TTC7B: variants seen among roughly 807,000 people sequenced by gnomAD.
TTC7B encodes the protein tetratricopeptide repeat domain 7B, also known as tetratricopeptide repeat protein 7B.
In TTC7B, 28 loss-of-function variants were observed where a neutral mutation model predicts 106.8. The ratio of observed to expected loss-of-function variants is 0.26; its 90% confidence interval spans 0.19 to 0.36. The LOEUF is 0.36. Ranked by LOEUF, TTC7B falls within the 10% of genes least tolerant of loss-of-function variation. The pLI is 1.00. For synonymous variants in TTC7B, 405 were observed against 430.6 expected, an observed-to-expected ratio of 0.94 and a Z score of 0.74; for missense variants, 862 against 1,076.4, an observed-to-expected ratio of 0.80 and a Z score of 2.79.
At chr14:90,588,190 C>A (rs1183856073) in intron 18 of TTC7B, among the ~76,000 whole-genome samples, 2 of 152,200 alleles carry the variant, frequency 1.3e-5, no homozygotes, top group Non-Finnish European at 2.9e-5. Flanking sequence ...CTGATGCAAC[C>A]TCTGGTGCCT....
intron 7 of TTC7B, among the ~76,000 whole-genome samples, chr14:90,683,736 C>A (rs1887145450): frequency 6.6e-6 from 1 of 152,034 alleles, no homozygotes; most frequent in Non-Finnish European, 1.5e-5. Flanking sequence ...CATCACCTTG[C>A]ACAAGTGTTT....
At chr14:90,756,374 T>C (rs796829327) in intron 3 of TTC7B, among the ~76,000 whole-genome samples, 18 of 10,928 alleles carry the variant, frequency 1.6e-3, no homozygotes, top group African/African-American at 3.6e-3. Context: ...ATTTTCTTCT[T>C]TTTTTTTTTG....
At chr14:90,700,552 A>G (rs1224673444) in intron 5 of TTC7B, among the ~76,000 whole-genome samples, 1 of 151,830 alleles carries the variant, frequency 6.6e-6, no homozygotes. Flanking sequence ...AGTGAGCACC[A>G]TCTTATATTC....
chr14:90,602,396 T>TA (rs1233278361), intron 17 of TTC7B, among the ~76,000 whole-genome samples: 1 of 152,238 alleles, frequency 6.6e-6, no homozygotes, highest in East Asian at 1.9e-4. Context: ...ACTAATGACT[T>TA]AAACACTGCC....
chr14:90,756,015 C>T (rs149817119), intron 3 of TTC7B, among the ~76,000 whole-genome samples: 70 of 152,342 alleles, frequency 4.6e-4, no homozygotes, highest in Non-Finnish European at 7.2e-4. Flanking sequence ...ATATTCCCAC[C>T]GTTCAAAATC....
intron 7 of TTC7B, among the ~76,000 whole-genome samples, chr14:90,683,424 C>A (rs866944131): frequency 2.0e-5 from 3 of 152,282 alleles, no homozygotes; most frequent in Middle Eastern, 3.4e-3. Context: ...CACCCCGACC[C>A]CAAGTCACAC....
intron 19 of TTC7B, among the ~76,000 whole-genome samples, chr14:90,552,684 G>A (rs1890138255): frequency 6.6e-6 from 1 of 152,210 alleles, no homozygotes; most frequent in Admixed American, 6.5e-5. Context: ...GGGACATGCT[G>A]CCTTAAGAAG....
rs779021242 is a variant in TTC7B, at chr14:90,676,663, G to A, written c.1015-3C>T. 5.0e-6 allele frequency: 8 copies of A among 1,612,628 alleles called. No homozygotes were observed. The South Asian group carries it at 7.7e-5, about 16-fold the overall frequency. On this transcript the variant is annotated splice_polypyrimidine_tract_variant and splice_region_variant and intron_variant, in intron 8 of 19. Transcript: ENST00000328459. The stretch of plus-strand genomic sequence containing the variant: ...CTCAGCACAGCGTCCCGGTTGGCCT[G>A]AAAAAACATGGAATAGAGAAGCAGA...
rs1889501074 is a variant in TTC7B, at chr14:90,539,370, G to A, written c.*1998C>T. Reference sequence around the variant, plus strand: ...TCCCTTCCTGGTCCTGATCCAGTGGGCCTTGCCCCACGCTCCCGCATGGGA... The same window carrying A: ...TCCCTTCCTGGTCCTGATCCAGTGGACCTTGCCCCACGCTCCCGCATGGGA... On this transcript the variant is annotated 3_prime_UTR_variant, in exon 20 of 20. Transcript: ENST00000328459. 1 of 152,590 alleles carries A rather than the reference G, an allele frequency of 6.6e-6. No individual in the cohort carries two copies. The highest frequency in any genetic ancestry group is 1.5e-5 in the Non-Finnish European group (1 of 68,318). 9.5% of individuals were successfully genotyped at this position (152,590 alleles called of 1,614,324 possible). A position where few individuals can be genotyped will look rare whatever the true frequency, so the allele number is the denominator to read the frequency against.
At chr14:90,674,459 C>A (rs1411619819) in intron 9 of TTC7B, among the ~76,000 whole-genome samples, 1 of 152,242 alleles carries the variant, frequency 6.6e-6, no homozygotes, top group African/African-American at 2.4e-5. Flanking sequence ...ACAGGCAAGG[C>A]TGAAGCCAAG....
rs568372071 is a variant in TTC7B, at chr14:90,780,069, T to C, written c.445+669A>G. ...TTACCAAGAAAGGCCCCTGCTGAAG[T>C]TGCATACTACTTATCAAGAAACTTT... On this transcript the variant is annotated intron_variant, in intron 3 of 19. Transcript: ENST00000328459. Among the ~76,000 whole-genome samples the C allele has an allele frequency of 9.9e-5, 15 of 152,278 alleles. No homozygotes were observed. In the South Asian group the frequency reaches 2.7e-3, roughly 27 times the overall value.
At chr14:90,798,181 G>A (rs2029998486) in intron 1 of TTC7B, among the ~76,000 whole-genome samples, 3 of 152,196 alleles carry the variant, frequency 2.0e-5, no homozygotes, top group South Asian at 2.1e-4. Flanking sequence ...GCCACGTGGC[G>A]CAGAGCTGAG....
chr14:90,711,131 G>A (rs533722204), intron 5 of TTC7B, among the ~76,000 whole-genome samples: 5 of 152,168 alleles, frequency 3.3e-5, no homozygotes, highest in Admixed American at 2.6e-4. Context: ...AATGATATCA[G>A]AGGGTCATAG....
chr14:90,630,293 G>A (rs918006938), intron 15 of TTC7B, among the ~76,000 whole-genome samples: 17 of 152,134 alleles, frequency 1.1e-4, no homozygotes, highest in Non-Finnish European at 8.8e-5. Context: ...ACATCCATGC[G>A]CGTGGGGTGC....
At chr14:90,800,205 T>C (rs908586611) in intron 1 of TTC7B, among the ~76,000 whole-genome samples, 4 of 152,094 alleles carry the variant, frequency 2.6e-5, no homozygotes, top group African/African-American at 4.8e-5. Context: ...GAGGCAAGGC[T>C]ACAAATGGTT....
intron 3 of TTC7B, among the ~76,000 whole-genome samples, chr14:90,749,435 C>T (rs1890070659): frequency 3.0e-5 from 4 of 134,332 alleles, no homozygotes; most frequent in Non-Finnish European, 4.7e-5. Flanking sequence ...GACAGAGTTT[C>T]GCTCTTGTTG....
chr14:90,740,898 G>A (rs1276529424), intron 4 of TTC7B, among the ~76,000 whole-genome samples: 1 of 152,208 alleles, frequency 6.6e-6, no homozygotes, highest in Non-Finnish European at 1.5e-5. Flanking sequence ...TCCACAGCCA[G>A]GTGACACAGG....
chr14:90,655,847 G>A (rs1245797300), intron 11 of TTC7B, among the ~76,000 whole-genome samples: 1 of 152,072 alleles, frequency 6.6e-6, no homozygotes, highest in Non-Finnish European at 1.5e-5. Context: ...ATACAGAAAA[G>A]ATTTGTTACT....
intron 5 of TTC7B, among the ~76,000 whole-genome samples, chr14:90,710,056 G>GAA (rs71461920): frequency 0.055 from 6,567 of 119,254 alleles, 229 homozygotes; most frequent in Non-Finnish European, 0.078. Flanking sequence ...TTTTCTACTT[G>GAA]AAAAAAAAAA....
Sources: gnomAD v4.1 joint callset for allele counts (sites outside exome capture counted in the v4.1 genomes callset) on GRCh38, gnomAD v4.1.1 for gene constraint, MANE v1.5 for transcripts, NCBI Gene and HGNC (gene_info 2026-07-23, HGNC 2026-07-21) for gene names.